Variants in IQGAP2 observed in about 807,000 individuals in gnomAD.
IQGAP2 encodes ras GTPase-activating-like protein IQGAP2.
A neutral mutation model predicts 201.3 loss-of-function variants in IQGAP2; 173 were observed. The observed-to-expected ratio is 0.86, with a 90% CI of 0.76 to 0.98. The LOEUF (loss-of-function observed/expected upper bound fraction) is 0.98. IQGAP2 is among the 50% of genes least tolerant of loss of function. IQGAP2 has a pLI of 0.00. For missense variants in IQGAP2, 1,687 were observed against 1,864.8 expected, an observed-to-expected ratio of 0.90 and a Z score of 1.76; for synonymous variants, 675 against 673.9, an observed-to-expected ratio of 1.00 and a Z score of -0.03.
At chr5:76,604,672 T>C (rs1747674791) in intron 11 of IQGAP2, among the ~76,000 whole-genome samples, 1 of 152,170 alleles carries the variant, frequency 6.6e-6, no homozygotes, top group Non-Finnish European at 1.5e-5. Context: ...GACTTTGCGC[T>C]TTTGGAATGG....
chr5:76,423,150 T>A (rs1343573048), intron 1 of IQGAP2, among the ~76,000 whole-genome samples: 1 of 152,254 alleles, frequency 6.6e-6, no homozygotes, highest in African/African-American at 2.4e-5. Context: ...AAATTACCAC[T>A]AATCAACTCA....
chr5:76,426,381 G>T (rs1751997036), intron 1 of IQGAP2, among the ~76,000 whole-genome samples: 1 of 152,136 alleles, frequency 6.6e-6, no homozygotes, highest in Admixed American at 6.6e-5. Context: ...CATAAGGATG[G>T]GTCTGTGCAA....
At chr5:76,409,241 C>CTTTTTTTTTTTTTT (rs35574851) in intron 1 of IQGAP2, among the ~76,000 whole-genome samples, 1 of 79,368 alleles carries the variant, frequency 1.3e-5, no homozygotes, top group Non-Finnish European at 2.3e-5. Context: ...AATACATGGG[C>CTTTTTTTTTTTTTT]TTTTTTTTTT....
intron 2 of IQGAP2, among the ~76,000 whole-genome samples, chr5:76,500,359 A>G (rs1757208615): frequency 6.6e-6 from 1 of 152,238 alleles, no homozygotes; most frequent in Non-Finnish European, 1.5e-5. Context: ...TAAGCATAGC[A>G]TTGCTATAAC....
At chr5:76,500,174 T>G (rs182405689) in intron 2 of IQGAP2, among the ~76,000 whole-genome samples, 1 of 152,274 alleles carries the variant, frequency 6.6e-6, no homozygotes, top group Admixed American at 6.5e-5. Context: ...CTCGAAGAAC[T>G]TTATTTACTT....
intron 2 of IQGAP2, among the ~76,000 whole-genome samples, chr5:76,534,157 T>C (rs1759488907): frequency 6.6e-6 from 1 of 152,236 alleles, no homozygotes; most frequent in African/African-American, 2.4e-5. Flanking sequence ...AACTTAATTT[T>C]TTCCCACATG....
chr5:76,453,677 T>C (rs1045300438), intron 1 of IQGAP2, among the ~76,000 whole-genome samples: 1 of 152,220 alleles, frequency 6.6e-6, no homozygotes, highest in Non-Finnish European at 1.5e-5. Context: ...TTAACAGTTG[T>C]AAAATATTAT....
intron 13 of IQGAP2, among the ~76,000 whole-genome samples, chr5:76,625,262 A>T (rs1004958026): frequency 6.6e-6 from 1 of 152,210 alleles, no homozygotes; most frequent in South Asian, 2.1e-4. Flanking sequence ...CTGCCTTCTC[A>T]TCTGGGTAGA....
At chr5:76,413,201 C>G (rs1751230614) in intron 1 of IQGAP2, among the ~76,000 whole-genome samples, 1 of 112,176 alleles carries the variant, frequency 8.9e-6, no homozygotes, top group Non-Finnish European at 1.7e-5. Flanking sequence ...TGGAGTCTCA[C>G]TGTGTCGCCT....
At position 76,707,512 on chromosome 5, in the gene IQGAP2, A is replaced by G; in HGVS notation, c.*199A>G. 1 of 551,284 alleles carries G rather than the reference A, an allele frequency of 1.8e-6. No homozygotes were observed. Among genetic ancestry groups the G allele is most frequent in the Non-Finnish European group, 3.2e-6 (1 of 311,682 alleles). The allele number at this position is 551,284 out of a possible 1,614,324, so 34.1% of individuals were successfully genotyped here. On this transcript the variant is annotated 3_prime_UTR_variant, in exon 36 of 36. Transcript: ENST00000274364. ...TATAATAGAATGAGACATAAAATGAATTAATGGAAACATATCCACACTGTA... is the reference window on the plus strand; with the variant it reads ...TATAATAGAATGAGACATAAAATGAGTTAATGGAAACATATCCACACTGTA...
At chr5:76,680,270 T>A (rs909063034) in intron 28 of IQGAP2, among the ~76,000 whole-genome samples, 1 of 152,202 alleles carries the variant, frequency 6.6e-6, no homozygotes, top group Non-Finnish European at 1.5e-5. Context: ...CTGGGACAAC[T>A]GGAAATTCCC....
chr5:76,697,963 G>T (rs762513656), intron 32 of IQGAP2, 24 bp from the exon 33 acceptor site: 2 of 1,587,032 alleles, frequency 1.3e-6, no homozygotes, highest in South Asian at 2.3e-5. Flanking sequence ...GCTTAAATAT[G>T]ATACCCCTTA....
At chr5:76,585,975 C>A (rs1396194793) in intron 5 of IQGAP2, among the ~76,000 whole-genome samples, 1 of 152,072 alleles carries the variant, frequency 6.6e-6, no homozygotes, top group East Asian at 1.9e-4. Context: ...AATATGAGCA[C>A]CCTTTTAACT....
At chr5:76,556,514 G>A (rs545673049) in intron 2 of IQGAP2, among the ~76,000 whole-genome samples, 14 of 152,280 alleles carry the variant, frequency 9.2e-5, no homozygotes, top group African/African-American at 3.1e-4. Flanking sequence ...ATCTGCCTGC[G>A]TGATTTCTTC....
chr5:76,523,582 A>T (rs538256600), intron 2 of IQGAP2, among the ~76,000 whole-genome samples: 1 of 152,186 alleles, frequency 6.6e-6, no homozygotes, highest in African/African-American at 2.4e-5. Flanking sequence ...TGTTACAAGT[A>T]TAGTGTGTGG....
intron 21 of IQGAP2, among the ~76,000 whole-genome samples, chr5:76,661,824 T>C (rs975603706): frequency 6.6e-6 from 1 of 152,166 alleles, no homozygotes; most frequent in Non-Finnish European, 1.5e-5. Flanking sequence ...GCCCAAGCCC[T>C]TCATACTAGC....
At position 76,518,399 on chromosome 5, in the gene IQGAP2, C is replaced by T. The variant is rs1167748916; in HGVS notation, c.147-43997C>T. On this transcript the variant is annotated intron_variant, in intron 2 of 35. Transcript: ENST00000274364. ...AATAGAGAGCTTGTGCAGGAGAACT[C>T]CTCTTTTTAAAACCATCAGATCTCG... is the stretch of plus-strand genomic sequence containing the variant. 3.3e-5 allele frequency among the ~76,000 whole-genome samples: 5 copies of T among 152,266 alleles called. No individual in the cohort carries two copies. In the East Asian group the frequency reaches 9.7e-4, roughly 29 times the overall value.
At chr5:76,511,016 T>A (rs1384678692) in intron 2 of IQGAP2, among the ~76,000 whole-genome samples, 1 of 152,152 alleles carries the variant, frequency 6.6e-6, no homozygotes, top group Non-Finnish European at 1.5e-5. Flanking sequence ...ATTGAGAGAA[T>A]GAAAGGAGAA....
intron 2 of IQGAP2, among the ~76,000 whole-genome samples, chr5:76,510,130 G>T (rs1296226297): frequency 6.6e-6 from 1 of 151,912 alleles, no homozygotes; most frequent in African/African-American, 2.4e-5. Context: ...CTCCTGAGTA[G>T]CTGGGATTAC....
Sources: gnomAD v4.1 joint callset for allele counts (sites outside exome capture counted in the v4.1 genomes callset) on GRCh38, gnomAD v4.1.1 for gene constraint, MANE v1.5 for transcripts, NCBI Gene and HGNC (gene_info 2026-07-23, HGNC 2026-07-21) for gene names.